MARCHF3: variants seen among roughly 807,000 people sequenced by gnomAD.
The protein encoded by MARCHF3 is membrane associated ring-CH-type finger 3, also known as E3 ubiquitin-protein ligase MARCHF3.
Under a neutral mutation model 24.2 loss-of-function variants are expected in MARCHF3, and 13 were observed. That is an observed-to-expected ratio of 0.54 (90% CI 0.35 to 0.85). The LOEUF (loss-of-function observed/expected upper bound fraction) is 0.85. Ranked by LOEUF, MARCHF3 falls within the 40% of genes least tolerant of loss-of-function variation. The pLI, the probability that MARCHF3 is intolerant of heterozygous loss-of-function variation, is 0.01. For synonymous variants in MARCHF3, 144 were observed against 137.3 expected (o/e 1.05, Z -0.34); for missense variants, 276 against 325.0 (o/e 0.85, Z 1.16).
intron 3 of MARCHF3, among the ~76,000 whole-genome samples, chr5:126,886,752 A>G (rs1363940776): frequency 6.6e-6 from 1 of 152,166 alleles, no homozygotes; most frequent in African/African-American, 2.4e-5. Context: ...CACGAGATTC[A>G]CCATCCACCA....
intron 1 of MARCHF3, among the ~76,000 whole-genome samples, chr5:127,003,450 A>G (rs1179235650): frequency 7.1e-6 from 1 of 141,436 alleles, no homozygotes; most frequent in African/African-American, 2.7e-5. Flanking sequence ...CCTGGGCGAC[A>G]GAGCGAGACT....
intron 1 of MARCHF3, among the ~76,000 whole-genome samples, chr5:126,937,434 C>T (rs1027014962): frequency 1.3e-5 from 2 of 152,090 alleles, no homozygotes; most frequent in African/African-American, 4.8e-5. Context: ...AAACAGGAGC[C>T]AGCAGCAATA....
intron 3 of MARCHF3, among the ~76,000 whole-genome samples, chr5:126,914,157 G>T (rs1754637162): frequency 6.6e-6 from 1 of 151,674 alleles, no homozygotes; most frequent in Middle Eastern, 3.4e-3. Context: ...CTAATTTTTT[G>T]TATTTTTAGT....
chr5:127,018,327 T>G (rs943228221), intron 1 of MARCHF3, among the ~76,000 whole-genome samples: 4 of 151,922 alleles, frequency 2.6e-5, no homozygotes, highest in Non-Finnish European at 5.9e-5. Context: ...GCCAAGATCA[T>G]GACAGTGCAC....
rs768230333 is a variant in MARCHF3 at position 126,878,384 on chromosome 5, T to C, written c.404A>G (p.Asn135Ser). 1.9e-6 allele frequency: 3 copies of C among 1,612,424 alleles called. No individual in the cohort carries two copies. In the South Asian group the frequency reaches 3.3e-5, roughly 18 times the overall value. Residue 135 changes from asparagine to serine, a missense_variant, in exon 4 of 5, where the codon AAC becomes AGC. Coordinates refer to ENST00000308660, the MANE Select transcript of MARCHF3 (RefSeq NM_178450.5). ...CCGCTTCTCATGCTGGGGGCCAGGG[T>C]TTCTCAGCCACTGCCAGGTAAAGGG... Reference protein sequence around the residue: ...KPRPLVEWLRNPGPQHEKRTL... With the variant: ...KPRPLVEWLRSPGPQHEKRTL...
intron 1 of MARCHF3, among the ~76,000 whole-genome samples, chr5:126,944,551 C>T (rs779305060): frequency 3.3e-5 from 5 of 152,206 alleles, no homozygotes; most frequent in Non-Finnish European, 7.3e-5. Flanking sequence ...CATTGCATTC[C>T]AGCCTGGGCA....
intron 3 of MARCHF3, among the ~76,000 whole-genome samples, chr5:126,910,906 C>T (rs1188371062): frequency 1.3e-5 from 2 of 152,198 alleles, no homozygotes; most frequent in Non-Finnish European, 2.9e-5. Context: ...AATTCTTTTT[C>T]TCAGCAAGGA....
chr5:126,980,712 T>A (rs1296306297), intron 1 of MARCHF3, among the ~76,000 whole-genome samples: 1 of 152,098 alleles, frequency 6.6e-6, no homozygotes, highest in Non-Finnish European at 1.5e-5. Context: ...ATAAAACACA[T>A]CTATGGTTAG....
At chr5:127,028,281 A>G (rs995659879) in intron 1 of MARCHF3, among the ~76,000 whole-genome samples, 5 of 152,226 alleles carry the variant, frequency 3.3e-5, no homozygotes, top group African/African-American at 1.2e-4. Context: ...TAATTGTGCT[A>G]TTAAAGGAAT....
intron 1 of MARCHF3, among the ~76,000 whole-genome samples, chr5:126,989,579 C>A (rs1257896108): frequency 6.6e-6 from 1 of 152,038 alleles, no homozygotes; most frequent in Non-Finnish European, 1.5e-5. Flanking sequence ...TGGATAATAG[C>A]TCCACAGGCA....
chr5:126,929,440 G>C (rs557062235), intron 1 of MARCHF3, among the ~76,000 whole-genome samples: 1 of 152,312 alleles, frequency 6.6e-6, no homozygotes, highest in Admixed American at 6.5e-5. Context: ...ATCCACTGAT[G>C]ACAGTTGCCT....
chr5:127,011,753 C>G lies in MARCHF3; in HGVS notation c.-57+18597G>C, dbSNP rs77099653. 3.2e-4 allele frequency among the ~76,000 whole-genome samples: 48 copies of G among 152,246 alleles called. No individual in the cohort carries two copies. In the East Asian group the frequency reaches 8.9e-3, roughly 28 times the overall value. On this transcript the variant is annotated intron_variant, in intron 1 of 4. Transcript: ENST00000308660. ...TAACTGGTTGGTTATTCCTTGTTAA[C>G]AATTTCAAACACCAGGTGAATCTAC...
chr5:126,979,948 C>CAAAAAAAAAAAA (rs757849978), intron 1 of MARCHF3, among the ~76,000 whole-genome samples: 6 of 44,912 alleles, frequency 1.3e-4, no homozygotes, highest in African/African-American at 1.5e-4. Flanking sequence ...AACTCCATCT[C>CAAAAAAAAAAAA]AAAAAAAAAA....
At chr5:126,983,969 G>T (rs1265115257) in intron 1 of MARCHF3, among the ~76,000 whole-genome samples, 2 of 152,138 alleles carry the variant, frequency 1.3e-5, no homozygotes, top group Admixed American at 6.5e-5. Context: ...CTAAGAGAGA[G>T]AAGTTATTAA....
intron 1 of MARCHF3, among the ~76,000 whole-genome samples, chr5:127,023,951 T>C (rs780492068): frequency 1.3e-5 from 2 of 152,088 alleles, no homozygotes; most frequent in Non-Finnish European, 2.9e-5. Context: ...AACCAAGCCA[T>C]TTTCAACTTC....
chr5:126,956,053 T>C (rs549419017), intron 1 of MARCHF3, among the ~76,000 whole-genome samples: 3 of 152,346 alleles, frequency 2.0e-5, no homozygotes, highest in African/African-American at 7.2e-5. Context: ...TTCCCACTTA[T>C]TTTTAATGCC....
At chr5:127,005,337 T>C (rs1302549417) in intron 1 of MARCHF3, among the ~76,000 whole-genome samples, 1 of 152,154 alleles carries the variant, frequency 6.6e-6, no homozygotes, top group Non-Finnish European at 1.5e-5. Flanking sequence ...GGTTTCACCA[T>C]GTTGGCCAGG....
chr5:127,029,472 A>C (rs1254779865), intron 1 of MARCHF3, among the ~76,000 whole-genome samples: 2 of 152,204 alleles, frequency 1.3e-5, no homozygotes, highest in African/African-American at 4.8e-5. Flanking sequence ...TGGTCTCAGA[A>C]AAACAAGCTG....
intron 1 of MARCHF3, among the ~76,000 whole-genome samples, chr5:127,008,579 T>A (rs1368493971): frequency 6.6e-6 from 1 of 152,192 alleles, no homozygotes; most frequent in Non-Finnish European, 1.5e-5. Flanking sequence ...TTTTCATAGT[T>A]GTTGTTCTGG....
Sources: allele counts gnomAD v4.1 joint callset (sites outside exome capture counted in the v4.1 genomes callset), GRCh38; gene constraint gnomAD v4.1.1; transcripts MANE v1.5; gene names NCBI Gene and HGNC (gene_info 2026-07-23, HGNC 2026-07-21).